Variants in IFT88 observed in about 807,000 individuals in gnomAD.
IFT88 encodes the protein intraflagellar transport protein 88 homolog.
A neutral mutation model predicts 119.5 loss-of-function variants in IFT88; 74 were observed. That is an observed-to-expected ratio of 0.62 (90% confidence interval 0.51 to 0.75). The LOEUF (loss-of-function observed/expected upper bound fraction) is 0.75, where lower values mean the gene tolerates loss of function less well. IFT88 is among the 30% of genes least tolerant of loss of function. IFT88 has a pLI of 0.00. For synonymous variants in IFT88, 279 were observed against 316.7 expected (o/e 0.88, Z 1.26); for missense variants, 961 against 977.7 (o/e 0.98, Z 0.23).
At chr13:20,596,565 A>G (rs577164909) in intron 8 of IFT88, among the ~76,000 whole-genome samples, 127 of 152,340 alleles carry the variant, frequency 8.3e-4, no homozygotes, top group African/African-American at 2.3e-3. Flanking sequence ...CATGAGCCAC[A>G]CACAGTACTA....
intron 20 of IFT88, among the ~76,000 whole-genome samples, chr13:20,648,673 C>T (rs2051116684): frequency 6.6e-6 from 1 of 151,980 alleles, no homozygotes; most frequent in African/African-American, 2.4e-5. Context: ...CCTTCTGTGT[C>T]AATAATCACA....
At chr13:20,618,418 CCAGTGGTATGA>C (rs1005705515) in intron 14 of IFT88, among the ~76,000 whole-genome samples, 2 of 152,150 alleles carry the variant, frequency 1.3e-5, no homozygotes, top group African/African-American at 4.8e-5. Flanking sequence ...TAACTCTTTA[CCAGTGGTATGA>C]CTGCATATTA....
At chr13:20,648,831 G>T (rs1458600541) in intron 20 of IFT88, among the ~76,000 whole-genome samples, 2 of 152,182 alleles carry the variant, frequency 1.3e-5, no homozygotes, top group Non-Finnish European at 2.9e-5. Flanking sequence ...GATTGAAAAA[G>T]ATATTCCAAA....
chr13:20,683,677 A>G (rs1460964523), intron 24 of IFT88, among the ~76,000 whole-genome samples: 2 of 152,148 alleles, frequency 1.3e-5, no homozygotes, highest in Admixed American at 6.5e-5. Flanking sequence ...CAATCCTTTC[A>G]TTCATTTTTT....
rs565477698 is a variant in IFT88 at position 20,583,100 on chromosome 13, T to G, written c.153+81T>G. The G allele has an allele frequency of 2.4e-5, 19 of 785,182 alleles. No homozygotes were observed. In the South Asian group the frequency reaches 2.9e-4, roughly 12 times the overall value. The allele number at this position is 785,182 out of a possible 1,614,324, so 48.6% of individuals were successfully genotyped here. On this transcript the variant is annotated intron_variant, in intron 3 of 25. Transcript: ENST00000351808. ...ACCAGATTAACCATTTTCACCTGTA[T>G]ATTCCTGTAGTGTTAAAGATTATAA...
intron 1 of IFT88, chr13:20,567,693 T>C (rs548748855): frequency 2.3e-4 from 266 of 1,171,264 alleles, no homozygotes; most frequent in Non-Finnish European, 2.8e-4. Context: ...AATTGCCTGA[T>C]GAAAGTTGAA....
At chr13:20,663,331 C>G (rs756487826) in intron 22 of IFT88, 167 bp from the exon 23 acceptor site, 109 of 1,515,262 alleles carry the variant, frequency 7.2e-5, no homozygotes, top group Non-Finnish European at 1.1e-5. Context: ...GAAGTCAGTT[C>G]TCCCTGGTCC....
At chr13:20,648,491 G>T (rs1169139689) in intron 20 of IFT88, among the ~76,000 whole-genome samples, 1 of 151,890 alleles carries the variant, frequency 6.6e-6, no homozygotes, top group Non-Finnish European at 1.5e-5. Flanking sequence ...TAATCATTAG[G>T]AAAATAACTA....
chr13:20,614,677 G>T (rs2045278865), intron 13 of IFT88, among the ~76,000 whole-genome samples: 1 of 152,130 alleles, frequency 6.6e-6, no homozygotes, highest in South Asian at 2.1e-4. Flanking sequence ...AGATGTTACT[G>T]TTGGAGGAAA....
chr13:20,679,429 C>T (rs1358971803), intron 24 of IFT88, among the ~76,000 whole-genome samples: 3 of 152,174 alleles, frequency 2.0e-5, no homozygotes, highest in Non-Finnish European at 2.9e-5. Context: ...CAATTAAACG[C>T]CGAGAGTGCC....
At chr13:20,690,628 A>G (rs2058380835) in intron 24 of IFT88, 77 bp from the exon 25 acceptor site, 1 of 909,404 alleles carries the variant, frequency 1.1e-6, no homozygotes. Context: ...GCAAATAAGT[A>G]TGCTTTAAGA....
intron 16 of IFT88, among the ~76,000 whole-genome samples, chr13:20,632,508 T>TACGTTTTGCTC (rs1165806896): frequency 2.6e-5 from 4 of 152,320 alleles, no homozygotes; most frequent in South Asian, 4.1e-4. Context: ...GGGTTTTGCT[T>TACGTTTTGCTC]ACGTTTTGCT....
In IFT88 at chr13:20,596,139, G is replaced by C. The variant is rs753347614; in HGVS notation, c.399-11G>C. The C allele has an allele frequency of 1.1e-4, 137 of 1,232,608 alleles. No individual in the cohort carries two copies. The highest frequency in any genetic ancestry group is 4.1e-4 in the Middle Eastern group (2 of 4,828). The allele number at this position is 1,232,608 out of a possible 1,614,324, so 76.4% of individuals were successfully genotyped here. On this transcript the variant is annotated splice_polypyrimidine_tract_variant and intron_variant, in intron 7 of 25. Transcript: ENST00000351808. Reference sequence around the variant, plus strand: ...AATGATTTAAATTGTACCTGCTTTTGTCTTTAATAGCCCAGAGGAAAAAAT... The same window carrying C: ...AATGATTTAAATTGTACCTGCTTTTCTCTTTAATAGCCCAGAGGAAAAAAT...
Position 20,574,323 on chromosome 13 carries a change from AATAT to A in IFT88, c.-6-46_-6-43del. ...CAACAGAGCAAGACATATCTCAAAA[AATAT>A]ATATATATATTTCTTATACCAAGAA... On this transcript the variant is annotated intron_variant, in intron 1 of 25. Transcript: ENST00000351808. 28 of 916,926 alleles carry A rather than the reference AATAT, an allele frequency of 3.1e-5. No homozygotes were observed. In the South Asian group the frequency reaches 4.9e-4, roughly 16 times the overall value. 56.8% of individuals were successfully genotyped at this position (916,926 alleles called of 1,614,324 possible). A position where few individuals can be genotyped will look rare whatever the true frequency, so the allele number is the denominator to read the frequency against.
intron 13 of IFT88, among the ~76,000 whole-genome samples, chr13:20,614,817 C>CTTT (rs762297940): frequency 2.4e-5 from 3 of 125,846 alleles, no homozygotes; most frequent in Non-Finnish European, 3.3e-5. Context: ...TATTTCTTTT[C>CTTT]TTTTTTTTTT....
intron 23 of IFT88, among the ~76,000 whole-genome samples, chr13:20,670,744 A>G (rs764230404): frequency 3.4e-4 from 51 of 152,034 alleles, no homozygotes; most frequent in Middle Eastern, 3.4e-3. Context: ...GCACTTTTGA[A>G]TTAAAGTGCT....
At chr13:20,614,817 C>CTTTTTTT (rs762297940) in intron 13 of IFT88, among the ~76,000 whole-genome samples, 38,035 of 123,316 alleles carry the variant, frequency 0.31, 6,530 homozygotes, top group Non-Finnish European at 0.43. Flanking sequence ...TATTTCTTTT[C>CTTTTTTT]TTTTTTTTTT....
chr13:20,623,600 A>G (rs1360469104), intron 14 of IFT88, among the ~76,000 whole-genome samples: 1 of 151,916 alleles, frequency 6.6e-6, no homozygotes, highest in East Asian at 1.9e-4. Flanking sequence ...TCAGCCTCCC[A>G]AGTAGCTGGG....
intron 13 of IFT88, chr13:20,607,727 C>T: frequency 2.6e-6 from 2 of 759,522 alleles, no homozygotes; most frequent in Non-Finnish European, 4.9e-6. Context: ...CTGCTTCTGG[C>T]TGTCAGCGGC....
Sources: gnomAD v4.1 joint callset for allele counts (sites outside exome capture counted in the v4.1 genomes callset) on GRCh38, gnomAD v4.1.1 for gene constraint, MANE v1.5 for transcripts, NCBI Gene and HGNC (gene_info 2026-07-23, HGNC 2026-07-21) for gene names.